MGST1: variants seen among roughly 807,000 people sequenced by gnomAD.
The protein encoded by MGST1 is microsomal glutathione S-transferase 1, also known as glutathione S-transferase 12.
In MGST1, 5 loss-of-function variants were observed where a neutral mutation model predicts 8.9. The ratio of observed to expected loss-of-function variants is 0.56; its 90% CI spans 0.29 to 1.19. MGST1 has a LOEUF of 1.19. MGST1 is among the 50% of genes most tolerant of loss of function. MGST1 has a pLI of 0.08. For synonymous variants in MGST1, 54 were observed against 67.8 expected, an observed-to-expected ratio of 0.80 and a Z score of 1.00; for missense variants, 182 against 187.4, an observed-to-expected ratio of 0.97 and a Z score of 0.17.
intron 1 of MGST1, among the ~76,000 whole-genome samples, chr12:16,432,121 T>G (rs912903098): frequency 2.0e-5 from 3 of 152,196 alleles, no homozygotes; most frequent in African/African-American, 7.2e-5. Context: ...CTAATTACTT[T>G]GCCTATGAGT....
At chr12:16,432,679 GACACACACACACACACACACAC>G (rs36054419) in intron 1 of MGST1, among the ~76,000 whole-genome samples, 172 of 124,392 alleles carry the variant, frequency 1.4e-3, no homozygotes, top group African/African-American at 4.8e-3. Context: ...CTCTCTCTCT[GACACACACACACACACACACAC>G]ACACACACAC....
rs1355840499 is a variant in MGST1, at chr12:16,458,915, G to A, written n.482+75311G>A. ...TATGACCTATCCTGCTGAGCTGAGA[G>A]CAGGGAATTCTTACAGAAATCTAAG... On this transcript the variant is annotated intron_variant and non_coding_transcript_variant, in intron 4 of 4. Transcript: ENST00000538857. The surrounding 1 kb of genome is among the most constrained non-coding windows in gnomAD (Gnocchi z 4.0). Among the ~76,000 whole-genome samples, 1 of 152,020 alleles carries A rather than the reference G, an allele frequency of 6.6e-6. No homozygotes were observed. Among genetic ancestry groups the A allele is most frequent in the Non-Finnish European group, 1.5e-5 (1 of 67,972 alleles).
intron 4 of MGST1, among the ~76,000 whole-genome samples, chr12:16,574,722 T>G (rs1942937525): frequency 6.6e-6 from 1 of 152,190 alleles, no homozygotes; most frequent in African/African-American, 2.4e-5. Flanking sequence ...CGCAAAGGAT[T>G]TATCGGCCAT....
chr12:16,479,734 C>T (rs1264310224), intron 4 of MGST1, among the ~76,000 whole-genome samples: 2 of 151,950 alleles, frequency 1.3e-5, no homozygotes, highest in African/African-American at 4.8e-5. Context: ...GAAGGTCTCA[C>T]TGTGTTGCCT....
At chr12:16,468,232 C>T (rs896471035) in intron 4 of MGST1, among the ~76,000 whole-genome samples, 1 of 152,074 alleles carries the variant, frequency 6.6e-6, no homozygotes, top group Non-Finnish European at 1.5e-5. Flanking sequence ...AGGTGAGTAT[C>T]GGCATCATAT....
At chr12:16,487,202 G>A (rs1305985816) in intron 4 of MGST1, among the ~76,000 whole-genome samples, 7 of 152,118 alleles carry the variant, frequency 4.6e-5, no homozygotes, top group Admixed American at 1.3e-4. Flanking sequence ...CTCTCTAGAC[G>A]TTCCCTTCCA....
At chr12:16,405,520 A>G (rs750618458) in intron 1 of MGST1, among the ~76,000 whole-genome samples, 2 of 152,200 alleles carry the variant, frequency 1.3e-5, no homozygotes, top group African/African-American at 2.4e-5. Flanking sequence ...TACTGAAACT[A>G]TTCCAAAAAA....
chr12:16,435,899 A>G (rs1940981073), intron 1 of MGST1, among the ~76,000 whole-genome samples: 1 of 151,904 alleles, frequency 6.6e-6, no homozygotes, highest in Non-Finnish European at 1.5e-5. Flanking sequence ...TGGTTTTTCA[A>G]TAGCCCTTGA....
intron 1 of MGST1, chr12:16,399,676 G>A (rs1940636130): frequency 5.4e-6 from 8 of 1,481,944 alleles, no homozygotes; most frequent in Non-Finnish European, 7.5e-6. Flanking sequence ...CAGACACCTT[G>A]TTCGAAAAAG....
intron 4 of MGST1, among the ~76,000 whole-genome samples, chr12:16,463,975 A>G (rs1379432369): frequency 6.6e-6 from 1 of 152,234 alleles, no homozygotes; most frequent in East Asian, 1.9e-4. Flanking sequence ...TTTGGAGGCC[A>G]CAGGGCATGG....
intron 1 of MGST1, among the ~76,000 whole-genome samples, chr12:16,414,395 A>ATTTTT (rs66730103): frequency 1.1e-5 from 1 of 94,676 alleles, no homozygotes; most frequent in Non-Finnish European, 2.2e-5. Flanking sequence ...AGGTGTTTTT[A>ATTTTT]TTTTTTTTTT....
At chr12:16,386,457 A>T (rs1028022007) in intron 1 of MGST1, among the ~76,000 whole-genome samples, 2 of 152,208 alleles carry the variant, frequency 1.3e-5, no homozygotes, top group African/African-American at 2.4e-5. Context: ...AATCAGGATT[A>T]TCTCTATAGA....
chr12:16,444,844 G>A (rs189828112), intron 4 of MGST1, among the ~76,000 whole-genome samples: 2 of 151,972 alleles, frequency 1.3e-5, no homozygotes, highest in African/African-American at 4.8e-5. Flanking sequence ...AAGTGAGCTC[G>A]TGGACAGTTT....
At chr12:16,355,473 T>G (rs1939675819) in intron 2 of MGST1, among the ~76,000 whole-genome samples, 1 of 152,144 alleles carries the variant, frequency 6.6e-6, no homozygotes, top group Non-Finnish European at 1.5e-5. Flanking sequence ...CCTCCCAAAG[T>G]GCTGGGATTA....
intron 1 of MGST1, among the ~76,000 whole-genome samples, chr12:16,434,442 T>TTGTG (rs34340683): frequency 0.43 from 64,233 of 150,122 alleles, 14,328 homozygotes; most frequent in Non-Finnish European, 0.51. Flanking sequence ...TTTATTTCAG[T>TTGTG]TGTGTGTGTG....
chr12:16,560,276 T>C lies in MGST1; in HGVS notation n.483-29252T>C, dbSNP rs551516164. 6 of 877,836 alleles carry C rather than the reference T, an allele frequency of 6.8e-6. No homozygotes were observed. In the East Asian group the frequency reaches 1.1e-4, roughly 16 times the overall value. 54.4% of individuals were successfully genotyped at this position (877,836 alleles called of 1,614,324 possible). ...TCTCCTTAGTAGCTTGTCTCTGGCA[T>C]GGGATTAAAGTTTACAGAACAGAAA... is the stretch of plus-strand genomic sequence containing the variant. On this transcript the variant is annotated intron_variant and non_coding_transcript_variant, in intron 4 of 4. Coordinates refer to the MGST1 transcript ENST00000538857. The surrounding 1 kb of genome is among the most constrained non-coding windows in gnomAD (Gnocchi z 5.0).
chr12:16,367,661 G>A (rs1231026658), downstream of MGST1, among the ~76,000 whole-genome samples: 1 of 152,112 alleles, frequency 6.6e-6, no homozygotes, highest in Non-Finnish European at 1.5e-5. Flanking sequence ...AGAGTTAGAG[G>A]AATCAAATAT....
chr12:16,419,312 C>T (rs1940813433), intron 1 of MGST1, among the ~76,000 whole-genome samples: 1 of 152,162 alleles, frequency 6.6e-6, no homozygotes, highest in Non-Finnish European at 1.5e-5. Context: ...AAGATTCACA[C>T]TTTGTCTGGC....
chr12:16,457,595 G>A (rs960252914), intron 4 of MGST1, among the ~76,000 whole-genome samples: 6 of 151,946 alleles, frequency 3.9e-5, no homozygotes, highest in Admixed American at 2.6e-4. Flanking sequence ...TATTATATTG[G>A]CAGCAGGAGA....
Sources: gnomAD v4.1 joint callset for allele counts (sites outside exome capture counted in the v4.1 genomes callset) on GRCh38, gnomAD v4.1.1 for gene constraint, Gnocchi (gnomAD v3.1) non-coding constraint, MANE v1.5 for transcripts, NCBI Gene and HGNC (gene_info 2026-07-23, HGNC 2026-07-21) for gene names.